MICAL2: variants seen among roughly 807,000 people sequenced by gnomAD.
The protein encoded by MICAL2 is microtubule associated monooxygenase, calponin and LIM domain containing 2.
MICAL2 carries 77 observed loss-of-function variants against 127.3 expected under a neutral mutation model. The ratio of observed to expected loss-of-function variants is 0.60; its 90% confidence interval spans 0.50 to 0.73. MICAL2 has a LOEUF of 0.73. MICAL2 is among the 30% of genes least tolerant of loss of function. MICAL2 has a pLI of 0.00. For synonymous variants in MICAL2, 570 were observed against 551.1 expected (o/e 1.03, Z -0.48); for missense variants, 1,351 against 1,434.4 (o/e 0.94, Z 0.94).
chr11:12,358,538 CACA>C (rs1939163924), downstream of MICAL2: 2 of 1,508,754 alleles, frequency 1.3e-6, no homozygotes, highest in South Asian at 2.3e-5. Flanking sequence ...CCAAGTGCAC[CACA>C]CACCCTCATG....
At position 12,208,123 on chromosome 11, in the gene MICAL2, A is replaced by G; in HGVS notation, c.573A>G (p.Glu191=). Residue 191 remains glutamate, a synonymous_variant, in exon 5 of 28, where the codon GAA becomes GAG. Coordinates refer to ENST00000683283, the MANE Select transcript of MICAL2 (RefSeq NM_001282663.2). ...TCGTGAAGGTTCTAGAGCCTCCTGA[A>G]GATCAAGAAAATCAAAGTACAGTAT... is the stretch of plus-strand genomic sequence containing the variant. ...VEFVKVLEPP[E]DQENQKIGWR... The G allele has an allele frequency of 6.2e-7, 1 of 1,613,156 alleles. No individual in the cohort carries two copies. The highest frequency in any genetic ancestry group is 8.5e-7 in the Non-Finnish European group (1 of 1,179,106).
chr11:12,135,642 C>G (rs1267201556), intron 1 of MICAL2, among the ~76,000 whole-genome samples: 3 of 152,162 alleles, frequency 2.0e-5, no homozygotes, highest in African/African-American at 7.2e-5. Context: ...TAGGGCCACC[C>G]AACTAATTTA....
intron 3 of MICAL2, among the ~76,000 whole-genome samples, chr11:12,194,433 C>G (rs1313728899): frequency 1.3e-5 from 2 of 152,172 alleles, no homozygotes; most frequent in African/African-American, 4.8e-5. Context: ...AACTGATAGG[C>G]TTTAACAGTT....
chr11:12,224,968 C>T, intron 13 of MICAL2, 148 bp downstream of exon 13: 1 of 1,057,780 alleles, frequency 9.5e-7, no homozygotes, highest in Non-Finnish European at 1.3e-6. Flanking sequence ...TCCCTTTGCA[C>T]TGATTACTCT....
intron 32 of MICAL2, among the ~76,000 whole-genome samples, chr11:12,347,314 A>G (rs538313181): frequency 1.8e-4 from 28 of 152,244 alleles, no homozygotes; most frequent in Admixed American, 7.2e-4. Context: ...CTAATATTCT[A>G]TTTTATTCTA....
chr11:12,144,297 C>G (rs1852658611), intron 2 of MICAL2, among the ~76,000 whole-genome samples: 1 of 152,206 alleles, frequency 6.6e-6, no homozygotes, highest in South Asian at 2.1e-4. Context: ...TGTCTTTATT[C>G]AGCCAAGAGA....
intron 3 of MICAL2, among the ~76,000 whole-genome samples, chr11:12,179,056 T>C (rs992838140): frequency 5.3e-5 from 8 of 152,122 alleles, no homozygotes; most frequent in Non-Finnish European, 8.8e-5. Flanking sequence ...TACTGGCCCC[T>C]GCAGACTCAC....
At chr11:12,205,375 T>G (rs963862768) in intron 4 of MICAL2, among the ~76,000 whole-genome samples, 1 of 152,202 alleles carries the variant, frequency 6.6e-6, no homozygotes, top group Admixed American at 6.5e-5. Context: ...ACATGGTTTT[T>G]TTCAACCAAA....
chr11:12,322,570 A>C (rs573181109), intron 30 of MICAL2, among the ~76,000 whole-genome samples: 1 of 152,190 alleles, frequency 6.6e-6, no homozygotes, highest in Non-Finnish European at 1.5e-5. Flanking sequence ...TAAATTTCAT[A>C]TTTATTTATT....
intron 33 of MICAL2, among the ~76,000 whole-genome samples, chr11:12,351,137 C>T (rs753250038): frequency 1.3e-5 from 2 of 152,180 alleles, no homozygotes; most frequent in Non-Finnish European, 2.9e-5. Context: ...TCTGCAAAGA[C>T]CCTTTACAAA....
intron 3 of MICAL2, among the ~76,000 whole-genome samples, chr11:12,182,496 G>A (rs559018621): frequency 6.6e-6 from 1 of 152,170 alleles, no homozygotes; most frequent in African/African-American, 2.4e-5. Flanking sequence ...TAGCACACAC[G>A]ACACGATTCC....
At chr11:12,290,591 A>G (rs1304666451), downstream of MICAL2, among the ~76,000 whole-genome samples, 1 of 152,068 alleles carries the variant, frequency 6.6e-6, no homozygotes, top group Non-Finnish European at 1.5e-5. Context: ...TTAGGCTTGA[A>G]CCTTCTAATC....
intron 2 of MICAL2, among the ~76,000 whole-genome samples, chr11:12,147,027 A>G (rs1393227418): frequency 6.6e-6 from 1 of 151,248 alleles, no homozygotes; most frequent in Non-Finnish European, 1.5e-5. Context: ...ACTTGGACAC[A>G]GGAAGGGGAA....
Position 12,199,963 on chromosome 11 carries a change from G to C in MICAL2, c.265-4287G>C, listed in dbSNP as rs183997560. 2.4e-4 allele frequency among the ~76,000 whole-genome samples: 37 copies of C among 152,322 alleles called. 1 individual carries two copies. In the East Asian group the frequency reaches 6.8e-3, roughly 28 times the overall value. ...GCCCTGGCAGACCCTGGCTCCCCAA[G>C]TCTGGGTGGAAATCTGCAAATGTGA... On this transcript the variant is annotated intron_variant, in intron 3 of 27. Coordinates refer to ENST00000683283, the MANE Select transcript of MICAL2 (RefSeq NM_001282663.2).
chr11:12,338,211 G>A (rs1417586108), intron 32 of MICAL2, among the ~76,000 whole-genome samples: 3 of 152,010 alleles, frequency 2.0e-5, no homozygotes, highest in Non-Finnish European at 4.4e-5. Flanking sequence ...TTATGTAATG[G>A]CCTTCTTTGT....
intron 7 of MICAL2, among the ~76,000 whole-genome samples, chr11:12,215,582 G>A (rs1856041689): frequency 6.6e-6 from 1 of 152,172 alleles, no homozygotes; most frequent in Non-Finnish European, 1.5e-5. Flanking sequence ...TGATGCTGTT[G>A]GCCAGAGACC....
intron 32 of MICAL2, among the ~76,000 whole-genome samples, chr11:12,346,318 G>T (rs1938952952): frequency 6.6e-6 from 1 of 152,166 alleles, no homozygotes; most frequent in Non-Finnish European, 1.5e-5. Flanking sequence ...TGTGTGCCAG[G>T]ACTGGGATAA....
intron 2 of MICAL2, among the ~76,000 whole-genome samples, chr11:12,281,541 C>T (rs751166974): frequency 2.0e-5 from 3 of 152,208 alleles, no homozygotes; most frequent in Admixed American, 6.5e-5. Flanking sequence ...CCTGGGACCA[C>T]CTGCACAGCA....
intron 2 of MICAL2, among the ~76,000 whole-genome samples, chr11:12,286,138 C>T (rs1863824396): frequency 6.7e-6 from 1 of 150,222 alleles, no homozygotes; most frequent in African/African-American, 2.5e-5. Flanking sequence ...CAAGGCCCAG[C>T]TGGCAGAGGG....
Sources: allele counts gnomAD v4.1 joint callset (sites outside exome capture counted in the v4.1 genomes callset), GRCh38; gene constraint gnomAD v4.1.1; transcripts MANE v1.5; gene names NCBI Gene and HGNC (gene_info 2026-07-23, HGNC 2026-07-21).